The following COL9A3 variants were observed in gnomAD, a reference collection of about 807,000 sequenced individuals.
COL9A3 encodes the protein collagen type IX alpha 3 chain, also known as collagen alpha-3(IX) chain.
In COL9A3, 82 loss-of-function variants were observed where a neutral mutation model predicts 110.2. The ratio of observed to expected loss-of-function variants is 0.74; its 90% CI spans 0.62 to 0.89. The LOEUF is 0.89. COL9A3 is among the 40% of genes least tolerant of loss of function. COL9A3 has a pLI of 0.00. For missense variants in COL9A3, 1,066 were observed against 981.3 expected, an observed-to-expected ratio of 1.09 and a Z score of -1.15; for synonymous variants, 494 against 403.8, an observed-to-expected ratio of 1.22 and a Z score of -2.68.
intron 9 of COL9A3, 89 bp downstream of exon 9, chr20:62,822,253 T>G (rs557824069): frequency 6.1e-6 from 5 of 818,244 alleles, no homozygotes; most frequent in African/African-American, 5.0e-5. Flanking sequence ...CCAGGCTCCA[T>G]GCCCCTCCGA....
chr20:62,819,321 G>T, intron 4 of COL9A3, 28 bp downstream of exon 4: 1 of 1,596,368 alleles, frequency 6.3e-7, no homozygotes, highest in Non-Finnish European at 8.5e-7. Context: ...TCCCCGCCAT[G>T]CCCCACTCCC....
intron 15 of COL9A3, 21 bp downstream of exon 15, chr20:62,826,841 T>G (rs1600798581): frequency 6.2e-7 from 1 of 1,612,140 alleles, no homozygotes. Context: ...CAGTGGACGG[T>G]GGGCGCCATG....
At chr20:62,821,998 C>CG in intron 8 of COL9A3, 113 bp from the exon 9 acceptor site, 1 of 821,856 alleles carries the variant, frequency 1.2e-6, no homozygotes, top group Non-Finnish European at 2.2e-6. Flanking sequence ...CAGCACAGTC[C>CG]GTGGGAGTGG....
At chr20:62,823,636 GA>G (rs2147203644) in intron 10 of COL9A3, among the ~76,000 whole-genome samples, 4 of 152,364 alleles carry the variant, frequency 2.6e-5, no homozygotes, top group African/African-American at 9.6e-5. Context: ...GGCAGGGGCT[GA>G]AGATACGGGT....
At chr20:62,816,592 G>A (rs1272917701), upstream of COL9A3, among the ~76,000 whole-genome samples, 1 of 152,106 alleles carries the variant, frequency 6.6e-6, no homozygotes, top group Non-Finnish European at 1.5e-5. Flanking sequence ...CCTGGTACCG[G>A]GGATTCACCC....
Position 62,825,758 on chromosome 20 carries a change from C to T in COL9A3, c.631-59C>T, listed in dbSNP as rs958038029. 13 of 1,528,424 alleles carry T rather than the reference C, an allele frequency of 8.5e-6. No homozygotes were observed. The African/African-American group carries it at 1.8e-4, about 21-fold the overall frequency. The allele number at this position is 1,528,424 out of a possible 1,614,324, so 94.7% of individuals were successfully genotyped here. Reference sequence around the variant, plus strand: ...GGCTTGAGTAGGGTGACTGGAGGCACCGAAAGGTGCAAGGAGAGCCAGACT... The same window carrying T: ...GGCTTGAGTAGGGTGACTGGAGGCATCGAAAGGTGCAAGGAGAGCCAGACT... On this transcript the variant is annotated intron_variant, in intron 12 of 31. Transcript: ENST00000649368.
Position 62,838,693 on chromosome 20 carries a change from G to A in COL9A3, c.1796G>A (p.Gly599Asp), listed in dbSNP as rs149237756. 7.7e-6 allele frequency: 12 copies of A among 1,552,590 alleles called. No individual in the cohort carries two copies. The highest frequency in any genetic ancestry group is 1.4e-5 in the African/African-American group (1 of 73,086). ...LGDPGPRGNQ[G>D]DRGDKGAAGA... is the part of the protein sequence containing the mutation. ...CCACACCTCGTGACAGGAAACCAGGGTGACAGAGGAGACAAAGGCGCGGCA... is the reference window on the plus strand; with the variant it reads ...CCACACCTCGTGACAGGAAACCAGGATGACAGAGGAGACAAAGGCGCGGCA... The change falls in exon 31 of 32, where the codon GGT becomes GAT. Residue 599 changes from glycine to aspartate, a missense_variant. Transcript: ENST00000649368.
intron 19 of COL9A3, 51 bp downstream of exon 19, chr20:62,829,027 C>T: frequency 6.5e-7 from 1 of 1,546,922 alleles, no homozygotes; most frequent in Non-Finnish European, 8.7e-7. Flanking sequence ...CTTCTGCCTG[C>T]TCAGTGGCCC....
At chr20:62,835,847 T>A (rs1160052473) in intron 26 of COL9A3, 74 bp from the exon 27 acceptor site, 1 of 1,501,954 alleles carries the variant, frequency 6.7e-7, no homozygotes. Context: ...TTTGATTTAT[T>A]TTATCCTCAA....
rs2147212772 is a variant in COL9A3, at chr20:62,827,940, G to A, written c.864G>A (p.Lys288=). Residue 288 remains lysine (K), a synonymous_variant, in exon 17 of 32, where the codon AAG becomes AAA. Transcript: ENST00000649368. ...TCCTCTAGGGCAGACCTGGTCCCAA[G>A]GGAACCCCCGGAGTGGCCGGGCCAA... ...PKGDLGRPGP[K]GTPGVAGPSG... 1 of 1,612,946 alleles carries A rather than the reference G, an allele frequency of 6.2e-7. No homozygotes were observed. The highest frequency in any genetic ancestry group is 8.5e-7 in the Non-Finnish European group (1 of 1,179,988).
chr20:62,818,527 G>C lies in COL9A3; in HGVS notation c.157G>C (p.Gly53Arg), dbSNP rs760414801. The change falls in exon 3 of 32, where the codon GGT (glycine) becomes CGT (arginine). Residue 53 changes from glycine (G) to arginine (R), a missense_variant. Coordinates refer to ENST00000649368, the MANE Select transcript of COL9A3 (RefSeq NM_001853.4). The stretch of plus-strand genomic sequence containing the variant: ...GTGTCTTTCCTCACAGGGAGAAGCT[G>C]GTCCTCCAGGTCTGCCTGGGCCCCC... ...PGQDGIDGEA[G>R]PPGLPGPPGP... 1 of 1,612,954 alleles carries C rather than the reference G, an allele frequency of 6.2e-7. No homozygotes were observed. Among genetic ancestry groups the C allele is most frequent in the Non-Finnish European group, 8.5e-7 (1 of 1,179,962 alleles).
intron 30 of COL9A3, among the ~76,000 whole-genome samples, chr20:62,837,546 C>G (rs529331915): frequency 2.7e-5 from 4 of 150,402 alleles, no homozygotes; most frequent in East Asian, 3.9e-4. Context: ...CGGTGGCTCA[C>G]GCCTGTAATC....
chr20:62,837,368 T>A, intron 30 of COL9A3, 103 bp downstream of exon 30: 1 of 1,314,402 alleles, frequency 7.6e-7, no homozygotes, highest in Non-Finnish European at 1.1e-6. Flanking sequence ...CCCTCAGGGG[T>A]AACCCCTGGA....
At chr20:62,830,479 G>A (rs2063586796) in intron 23 of COL9A3, 38 bp from the exon 24 acceptor site, 1 of 1,600,430 alleles carries the variant, frequency 6.2e-7, no homozygotes, top group Non-Finnish European at 8.5e-7. Context: ...AGACCCGACA[G>A]GGTATGGGCA....
At position 62,840,574 on chromosome 20, in the gene COL9A3, G is replaced by C. The variant is rs144407174; in HGVS notation, c.1897G>C (p.Gly633Arg). 7 of 1,612,458 alleles carry C rather than the reference G, an allele frequency of 4.3e-6. No homozygotes were observed. The highest frequency in any genetic ancestry group is 4.5e-5 in the East Asian group (2 of 44,894). ...AGGCGTGCCCGGCACCAGCAAGGAC[G>C]GCCAGGACGGTGCTCCCGGCGAGCC... The part of the protein sequence containing the change: ...PQGVPGTSKD[G>R]QDGAPGEPGP... The change falls in exon 32 of 32, where the codon GGC becomes CGC. Residue 633 changes from glycine to arginine, a missense_variant. By Grantham distance (125) the Gly-to-Arg change is moderately radical. Transcript: ENST00000649368.
At chr20:62,836,087 G>A in intron 27 of COL9A3, 100 bp from the exon 28 acceptor site, 1 of 1,604,408 alleles carries the variant, frequency 6.2e-7, no homozygotes, top group East Asian at 2.2e-5. Flanking sequence ...TCTGGTCAAG[G>A]CTGGGCAAGA....
chr20:62,830,487 G>T (rs888845314), intron 23 of COL9A3, 30 bp from the exon 24 acceptor site: 2 of 1,602,326 alleles, frequency 1.2e-6, no homozygotes, highest in Admixed American at 1.7e-5. Flanking sequence ...CAGGGTATGG[G>T]CACTGACGAG....
upstream of COL9A3, among the ~76,000 whole-genome samples, chr20:62,816,812 G>T (rs1990928600): frequency 6.6e-6 from 1 of 152,176 alleles, no homozygotes; most frequent in Admixed American, 6.5e-5. Context: ...TGTGCAACGC[G>T]CCAGTCCCAG....
chr20:62,831,565 C>T, intron 24 of COL9A3: 1 of 172,398 alleles, frequency 5.8e-6, no homozygotes, highest in Non-Finnish European at 1.3e-5. Context: ...GAGGTGGGGG[C>T]CATGCCAGCA....
Sources: allele counts gnomAD v4.1 joint callset (sites outside exome capture counted in the v4.1 genomes callset), GRCh38; gene constraint gnomAD v4.1.1; transcripts MANE v1.5; gene names NCBI Gene and HGNC (gene_info 2026-07-23, HGNC 2026-07-21).